PPIG: variants seen among roughly 807,000 people sequenced by gnomAD.
PPIG encodes peptidyl-prolyl cis-trans isomerase G.
A neutral mutation model predicts 87.9 loss-of-function variants in PPIG; 26 were observed. The observed-to-expected ratio is 0.30, with a 90% CI of 0.22 to 0.41. The LOEUF (loss-of-function observed/expected upper bound fraction) is 0.41, where lower values mean the gene tolerates loss of function less well. PPIG is among the 10% of genes least tolerant of loss of function. PPIG has a pLI of 1.00. For missense variants in PPIG, 722 were observed against 879.4 expected, an observed-to-expected ratio of 0.82 and a Z score of 2.26; for synonymous variants, 308 against 276.5, an observed-to-expected ratio of 1.11 and a Z score of -1.13.
rs1685255870 is a variant in PPIG, at chr2:169,604,115, G to A, written c.61+13G>A. 1 of 1,611,258 alleles carries A rather than the reference G, an allele frequency of 6.2e-7. No individual in the cohort carries two copies. On this transcript the variant is annotated intron_variant, in intron 3 of 13. Transcript: ENST00000260970. ...AACAATCAACCTGGTAAGAATATTA[G>A]TTGACATTTATAAATGGGTGTTTAA...
intron 7 of PPIG, among the ~76,000 whole-genome samples, chr2:169,612,346 G>A (rs982647209): frequency 2.0e-5 from 3 of 146,594 alleles, no homozygotes; most frequent in Admixed American, 1.4e-4. Flanking sequence ...TGTTTCCAAG[G>A]TTTATTTATA....
chr2:169,617,779 T>C (rs1361626429), intron 9 of PPIG, among the ~76,000 whole-genome samples: 1 of 152,194 alleles, frequency 6.6e-6, no homozygotes, highest in Non-Finnish European at 1.5e-5. Context: ...TTTCTAAATA[T>C]ACAATCATGT....
intron 4 of PPIG, among the ~76,000 whole-genome samples, chr2:169,604,866 C>G (rs568603822): frequency 2.7e-5 from 4 of 148,998 alleles, no homozygotes; most frequent in African/African-American, 9.9e-5. Flanking sequence ...AAGAGCGAGA[C>G]TCCATCTAAA....
chr2:169,640,407 T>C lies in PPIG; in HGVS notation c.*2884T>C, dbSNP rs1686284621. 6.6e-6 allele frequency: 1 copy of C among 152,214 alleles called. No individual in the cohort carries two copies. Among genetic ancestry groups the C allele is most frequent in the Admixed American group, 6.5e-5 (1 of 15,278 alleles). 9.4% of individuals were successfully genotyped at this position (152,214 alleles called of 1,614,324 possible). On this transcript the variant is annotated 3_prime_UTR_variant, in exon 14 of 14. Transcript: ENST00000260970. ...AGTGGTATTAACTTGACAATTCTAATTTATTTTAGTTAGTATATGTAGCAA... is the reference window on the plus strand; with the variant it reads ...AGTGGTATTAACTTGACAATTCTAACTTATTTTAGTTAGTATATGTAGCAA...
At chr2:169,631,170 G>C (rs2305176) in intron 10 of PPIG, among the ~76,000 whole-genome samples, 183 bp downstream of exon 10, 97,648 of 151,966 alleles carry the variant, frequency 0.64, 31,936 homozygotes, top group African/African-American at 0.78. Flanking sequence ...TCTTTTGAAA[G>C]AAAACCTATC....
chr2:169,635,902 A>T (rs538834788), intron 12 of PPIG, among the ~76,000 whole-genome samples, 190 bp from the exon 13 acceptor site: 1 of 152,296 alleles, frequency 6.6e-6, no homozygotes, highest in African/African-American at 2.4e-5. Flanking sequence ...GTATAGAAAT[A>T]TCAGACGTTT....
intron 1 of PPIG, among the ~76,000 whole-genome samples, chr2:169,590,775 G>A (rs1023722570): frequency 3.9e-5 from 6 of 152,116 alleles, no homozygotes; most frequent in Admixed American, 2.0e-4. Context: ...GAATCCTAAG[G>A]GTCAGAGACT....
At chr2:169,594,950 A>G (rs914443985) in intron 1 of PPIG, among the ~76,000 whole-genome samples, 2 of 146,684 alleles carry the variant, frequency 1.4e-5, no homozygotes, top group African/African-American at 5.1e-5. Flanking sequence ...TTATTTTGAG[A>G]TGGAGTCTCA....
chr2:169,610,761 A>C (rs1685462996), intron 7 of PPIG, among the ~76,000 whole-genome samples: 1 of 152,070 alleles, frequency 6.6e-6, no homozygotes, highest in South Asian at 2.1e-4. Flanking sequence ...TTCACTCTTC[A>C]CTTAACAGTA....
At chr2:169,590,325 AC>A (rs1262069575) in intron 1 of PPIG, among the ~76,000 whole-genome samples, 12 of 152,036 alleles carry the variant, frequency 7.9e-5, no homozygotes, top group African/African-American at 2.7e-4. Flanking sequence ...GTAACATTTA[AC>A]AAGGGAGGAT....
chr2:169,621,928 CAA>C (rs1256622398), intron 9 of PPIG, among the ~76,000 whole-genome samples: 1 of 103,234 alleles, frequency 9.7e-6, no homozygotes, highest in Non-Finnish European at 2.0e-5. Context: ...TCTTCCCTAC[CAA>C]AAAAAAAAAA....
intron 1 of PPIG, among the ~76,000 whole-genome samples, chr2:169,593,222 C>T (rs1483840990): frequency 1.3e-5 from 2 of 151,822 alleles, no homozygotes; most frequent in African/African-American, 4.8e-5. Flanking sequence ...GAGACAGAGT[C>T]TTGCTCTTGT....
intron 9 of PPIG, 41 bp downstream of exon 9, chr2:169,614,765 C>G (rs745594307): frequency 6.5e-7 from 1 of 1,539,158 alleles, no homozygotes; most frequent in Non-Finnish European, 8.7e-7. Context: ...CTTACACATA[C>G]AAAATAAGCA....
At chr2:169,622,754 T>C (rs577460466) in intron 9 of PPIG, among the ~76,000 whole-genome samples, 4 of 152,344 alleles carry the variant, frequency 2.6e-5, no homozygotes, top group African/African-American at 9.6e-5. Context: ...TCAGTTACCA[T>C]TCAGAACATT....
intron 1 of PPIG, among the ~76,000 whole-genome samples, chr2:169,592,692 C>T (rs965197200): frequency 2.0e-5 from 3 of 151,854 alleles, no homozygotes; most frequent in African/African-American, 7.3e-5. Context: ...CTCCTCCCTT[C>T]GCCCCTCAAA....
intron 5 of PPIG, among the ~76,000 whole-genome samples, chr2:169,606,608 A>G (rs1480639036): frequency 6.7e-6 from 1 of 148,692 alleles, no homozygotes; most frequent in Non-Finnish European, 1.5e-5. Flanking sequence ...AAAAAAAAAA[A>G]GAAGGAAGCT....
At chr2:169,630,113 T>A (rs1188980658) in intron 9 of PPIG, among the ~76,000 whole-genome samples, 1 of 150,872 alleles carries the variant, frequency 6.6e-6, no homozygotes, top group Non-Finnish European at 1.5e-5. Flanking sequence ...CTTCACTTAT[T>A]TATATTAATT....
intron 1 of PPIG, among the ~76,000 whole-genome samples, chr2:169,597,742 A>T (rs769976449): frequency 1.3e-5 from 2 of 152,008 alleles, no homozygotes; most frequent in African/African-American, 4.8e-5. Context: ...CAGGTGATCC[A>T]CTTGCCTTGA....
In PPIG at chr2:169,637,640, C is replaced by T; in HGVS notation, c.*117C>T. The T allele has an allele frequency of 1.1e-5, 12 of 1,094,266 alleles. No homozygotes were observed. The highest frequency in any genetic ancestry group is 1.6e-5 in the African/African-American group (1 of 61,992). The allele number at this position is 1,094,266 out of a possible 1,614,324, so 67.8% of individuals were successfully genotyped here. ...TGTTTTTGGATTGTTTTATGTTTGT[C>T]CTTTTTTTTCTTAATGTGGATTTCA... On this transcript the variant is annotated 3_prime_UTR_variant, in exon 14 of 14. Coordinates refer to ENST00000260970, the MANE Select transcript of PPIG (RefSeq NM_004792.3).
Sources: gnomAD v4.1 joint callset for allele counts (sites outside exome capture counted in the v4.1 genomes callset) on GRCh38, gnomAD v4.1.1 for gene constraint, MANE v1.5 for transcripts, NCBI Gene and HGNC (gene_info 2026-07-23, HGNC 2026-07-21) for gene names.